The following MTMR4 variants were observed in gnomAD, a reference collection of about 807,000 sequenced individuals.
The protein encoded by MTMR4 is phosphatidylinositol-3,5-bisphosphate 3-phosphatase MTMR4.
Under a neutral mutation model 125.5 loss-of-function variants are expected in MTMR4, and 30 were observed. That is an observed-to-expected ratio of 0.24 (90% CI 0.18 to 0.32). MTMR4 has a LOEUF of 0.32. Among genes scored for constraint, MTMR4 ranks in the 10% least tolerant of loss-of-function variants. The pLI is 1.00. For missense variants in MTMR4, 1,039 were observed against 1,511.5 expected, an observed-to-expected ratio of 0.69 and a Z score of 5.18; for synonymous variants, 498 against 564.5, an observed-to-expected ratio of 0.88 and a Z score of 1.67.
intron 7 of MTMR4, 72 bp from the exon 8 acceptor site, chr17:58,507,391 C>T (rs1160045707): frequency 2.1e-6 from 3 of 1,431,748 alleles, no homozygotes; most frequent in African/African-American, 2.8e-5. Flanking sequence ...GGGGGTTAGA[C>T]CAAAGTCTCT....
Position 58,508,364 on chromosome 17 carries a change from A to G in MTMR4, c.594-90T>C, listed in dbSNP as rs1369827665. ...GGATGGCTTTGTGGGAAGAGAAACC[A>G]TGAGCCTTCCTCCCTCTCAGACTCA... On this transcript the variant is annotated intron_variant, in intron 6 of 17. Transcript: ENST00000682306. This position sits in a 1 kb window ranked among gnomAD's most constrained non-coding sequence, Gnocchi z 4.8. 5 of 1,544,242 alleles carry G rather than the reference A, an allele frequency of 3.2e-6. No homozygotes were observed. In the African/African-American group the frequency reaches 4.1e-5, roughly 13 times the overall value.
At chr17:58,492,997 C>A (rs370455237) in intron 15 of MTMR4, 45 bp from the exon 16 acceptor site, 2 of 1,488,232 alleles carry the variant, frequency 1.3e-6, no homozygotes, top group Non-Finnish European at 9.4e-7. Flanking sequence ...TCATCATTAA[C>A]GCTTACTGTT....
rs370935714 is a variant in MTMR4, at chr17:58,505,628, C to A, written c.1034-45G>T. The A allele has an allele frequency of 4.8e-6, 7 of 1,465,020 alleles. No individual in the cohort carries two copies. The African/African-American group carries it at 8.4e-5, about 18-fold the overall frequency. 90.8% of individuals were successfully genotyped at this position (1,465,020 alleles called of 1,614,324 possible). A position where few individuals can be genotyped will look rare whatever the true frequency, so the allele number is the denominator to read the frequency against. ...GTGGGACATAAAAGCACGTCCTAGGCCGGGCGCGGTGGCTCACACCTGTAA... is the reference window on the plus strand; with the variant it reads ...GTGGGACATAAAAGCACGTCCTAGGACGGGCGCGGTGGCTCACACCTGTAA... On this transcript the variant is annotated intron_variant, in intron 9 of 17. Transcript: ENST00000682306.
chr17:58,497,392 G>A (rs955054308), intron 14 of MTMR4, among the ~76,000 whole-genome samples: 7 of 152,020 alleles, frequency 4.6e-5, no homozygotes, highest in Non-Finnish European at 8.8e-5. Context: ...ATAGTTCCTG[G>A]AGTCCCATAG....
chr17:58,498,014 G>A (rs1010264349), intron 14 of MTMR4, among the ~76,000 whole-genome samples: 1 of 152,148 alleles, frequency 6.6e-6, no homozygotes, highest in Non-Finnish European at 1.5e-5. Context: ...GATCTCTCGA[G>A]GCCACAAGTC....
At position 58,508,714 on chromosome 17, in the gene MTMR4, C is replaced by G. The variant is rs752184402; in HGVS notation, c.463G>C (p.Glu155Gln). The change falls in exon 5 of 18, where the codon GAG becomes CAG. Residue 155 changes from glutamate to glutamine, a missense_variant. Glu to Gln is a conservative substitution (Grantham distance 29, BLOSUM62 2). Around this residue, in one of 6 missense-constraint regions of MTMR4, gnomAD observed 202 missense variants for 311.9 expected, o/e 0.65. Coordinates refer to ENST00000682306, the MANE Select transcript of MTMR4 (RefSeq NM_001378067.1). This position sits in a 1 kb window ranked among gnomAD's most constrained non-coding sequence, Gnocchi z 4.8. The part of the protein sequence containing the change: ...AYHAWCLGLT[E>Q]EDQHTHLCQP... ...CATAGGTGAGTGTGCTGGTCCTCCT[C>G]GGTCAGCCCCAGGCACCAGGCATGG... is the stretch of plus-strand genomic sequence containing the variant. The G allele has an allele frequency of 6.2e-7, 1 of 1,614,212 alleles. No homozygotes were observed. The highest frequency in any genetic ancestry group is 1.3e-5 in the African/African-American group (1 of 75,070).
intron 15 of MTMR4, 73 bp downstream of exon 15, chr17:58,494,859 A>G (rs1488643194): frequency 7.0e-7 from 1 of 1,433,836 alleles, no homozygotes; most frequent in Non-Finnish European, 9.6e-7. Flanking sequence ...TACCCAACGA[A>G]TAAATGCTGA....
chr17:58,510,158 A>G lies in MTMR4; in HGVS notation c.335+1271T>C, dbSNP rs979616954. 8.5e-5 allele frequency among the ~76,000 whole-genome samples: 13 copies of G among 152,182 alleles called. 1 individual carries two copies. Among genetic ancestry groups the G allele is most frequent in the Non-Finnish European group, 1.2e-4 (8 of 68,036 alleles). On this transcript the variant is annotated intron_variant, in intron 4 of 17. Transcript: ENST00000682306. ...TGTGATTCTATGAAACATTAATCAGATCACATCACTCCTTTGCTCAAAATC... is the reference window on the plus strand; with the variant it reads ...TGTGATTCTATGAAACATTAATCAGGTCACATCACTCCTTTGCTCAAAATC...
rs1975264929 is a variant in MTMR4 at position 58,489,607 on chromosome 17, T to G, written c.*2056A>C. 6.6e-6 allele frequency: 1 copy of G among 152,244 alleles called. No individual in the cohort carries two copies. The highest frequency in any genetic ancestry group is 2.4e-5 in the African/African-American group (1 of 41,462). The allele number at this position is 152,244 out of a possible 1,614,324, so 9.4% of individuals were successfully genotyped here. On this transcript the variant is annotated 3_prime_UTR_variant, in exon 18 of 18. Coordinates refer to ENST00000682306, the MANE Select transcript of MTMR4 (RefSeq NM_001378067.1). The stretch of plus-strand genomic sequence containing the variant: ...CATTGCATGTTTGTCACAACGCAAC[T>G]GCACAGTTTGGATTTTTGGCCACAT...
At chr17:58,510,421 C>G (rs1975896312) in intron 4 of MTMR4, among the ~76,000 whole-genome samples, 1 of 152,186 alleles carries the variant, frequency 6.6e-6, no homozygotes, top group African/African-American at 2.4e-5. Flanking sequence ...AGCCACATGG[C>G]CACTTTCTTC....
upstream of MTMR4, chr17:58,516,506 G>A (rs984263351): frequency 5.3e-6 from 8 of 1,523,398 alleles, no homozygotes; most frequent in East Asian, 1.1e-4. Context: ...TCTAGGACAG[G>A]TGGGGCAGCT....
At chr17:58,498,498 A>G (rs567466505) in intron 14 of MTMR4, among the ~76,000 whole-genome samples, 41 of 130,358 alleles carry the variant, frequency 3.1e-4, no homozygotes, top group African/African-American at 1.1e-3. Context: ...GAAGAAGAAG[A>G]AGAAGGAGGA....
At chr17:58,499,614 A>C (rs1358683118) in intron 14 of MTMR4, among the ~76,000 whole-genome samples, 7 of 147,132 alleles carry the variant, frequency 4.8e-5, no homozygotes, top group African/African-American at 1.5e-4. Flanking sequence ...CCTTTATTTC[A>C]TTCATTTGTC....
rs1975447649 is a variant in MTMR4 at position 58,495,743 on chromosome 17, C to T, written c.2441G>A (p.Gly814Asp). ...ATCAAGAACACACTTGGAGGGCACA[C>T]CTAGCATGGAGTCTGGCTGGGCCTG... is the stretch of plus-strand genomic sequence containing the variant. ...PQQAQPDSML[G>D]VPSKCVLDHS... Residue 814 changes from glycine (G) to aspartate (D), a missense_variant, in exon 15 of 18, where the codon GGT (glycine) becomes GAT (aspartate). Around this residue, in one of 6 missense-constraint regions of MTMR4, gnomAD observed 619 missense variants for 714.5 expected, o/e 0.87. Transcript: ENST00000682306. 6.2e-7 allele frequency: 1 copy of T among 1,614,118 alleles called. No individual in the cohort carries two copies. The highest frequency in any genetic ancestry group is 8.5e-7 in the Non-Finnish European group (1 of 1,180,048).
rs1975962971 is a variant in MTMR4, at chr17:58,512,607, A to G, written c.136-101T>C. On this transcript the variant is annotated intron_variant, in intron 2 of 17. Transcript: ENST00000682306. The surrounding 1 kb of genome is among the most constrained non-coding windows in gnomAD (Gnocchi z 4.1). ...GGATCCCCTCTGGAAAAGGTGGGCC[A>G]AGGCAAGAGAGGAGAGTTCTCTCCA... The G allele has an allele frequency of 3.9e-6, 4 of 1,020,552 alleles. No homozygotes were observed. Among genetic ancestry groups the G allele is most frequent in the Non-Finnish European group, 6.1e-6 (4 of 658,936 alleles). 63.2% of individuals were successfully genotyped at this position (1,020,552 alleles called of 1,614,324 possible). A position where few individuals can be genotyped will look rare whatever the true frequency, so the allele number is the denominator to read the frequency against.
chr17:58,511,613 C>T, intron 3 of MTMR4, 102 bp from the exon 4 acceptor site: 1 of 936,324 alleles, frequency 1.1e-6, no homozygotes, highest in Non-Finnish European at 1.7e-6. Context: ...GGAAGGAAAC[C>T]AACATTTACT....
rs372030322 is a variant in MTMR4 at position 58,507,314 on chromosome 17, A to G, written c.713T>C (p.Leu238Ser). Residue 238 changes from leucine (L) to serine (S), a missense_variant, in exon 8 of 18, where the codon TTG (leucine) becomes TCG (serine). Around this residue, in one of 6 missense-constraint regions of MTMR4, gnomAD observed 202 missense variants for 311.9 expected, o/e 0.65. Transcript: ENST00000682306. ...GCGGGCGATGGCAGCCCCATTGCGC[A>G]AGTGTCTGACAAAACAGAAGAAACC... Reference protein sequence around the residue: ...KRIPVVVYRHLRNGAAIARCS... With the variant: ...KRIPVVVYRHSRNGAAIARCS... 29 of 1,612,362 alleles carry G rather than the reference A, an allele frequency of 1.8e-5. No homozygotes were observed. The African/African-American group carries it at 3.5e-4, about 19-fold the overall frequency.
Position 58,491,600 on chromosome 17 carries a change from A to G in MTMR4, c.*63T>C. 6.6e-7 allele frequency: 1 copy of G among 1,525,356 alleles called. No individual in the cohort carries two copies. Among genetic ancestry groups the G allele is most frequent in the East Asian group, 2.3e-5 (1 of 43,672 alleles). The allele number at this position is 1,525,356 out of a possible 1,614,324, so 94.5% of individuals were successfully genotyped here. A position where few individuals can be genotyped will look rare whatever the true frequency, so the allele number is the denominator to read the frequency against. ...TGAGCCACACCAAGGAACCTTCCAA[A>G]CTACAACTGAAGAAGATCCTCCCTT... On this transcript the variant is annotated 3_prime_UTR_variant, in exon 18 of 18. Transcript: ENST00000682306.
At chr17:58,493,465 A>C (rs1205666265) in intron 15 of MTMR4, among the ~76,000 whole-genome samples, 1 of 152,160 alleles carries the variant, frequency 6.6e-6, no homozygotes, top group Non-Finnish European at 1.5e-5. Context: ...AGATCCTCCC[A>C]CCTCAGCCTC....
Sources: gnomAD v4.1 joint callset for allele counts (sites outside exome capture counted in the v4.1 genomes callset) on GRCh38, gnomAD v4.1.1 for gene constraint, gnomAD v4.1.1 regional missense constraint, Gnocchi (gnomAD v3.1) non-coding constraint, MANE v1.5 for transcripts, NCBI Gene and HGNC (gene_info 2026-07-23, HGNC 2026-07-21) for gene names.